Variants in RFX4 observed in about 807,000 individuals in gnomAD.
The protein encoded by RFX4 is regulatory factor X4, also known as transcription factor RFX4.
Under a neutral mutation model 95.0 loss-of-function variants are expected in RFX4, and 10 were observed. That is an observed-to-expected ratio of 0.11 (90% CI 0.06 to 0.18). The LOEUF is 0.18. Among genes scored for constraint, RFX4 ranks in the 10% least tolerant of loss-of-function variants. The pLI is 1.00. For synonymous variants in RFX4, 321 were observed against 340.7 expected, an observed-to-expected ratio of 0.94 and a Z score of 0.64; for missense variants, 640 against 922.0, an observed-to-expected ratio of 0.69 and a Z score of 3.96.
At chr12:106,664,447 T>C (rs2041134536) in intron 4 of RFX4, among the ~76,000 whole-genome samples, 1 of 151,892 alleles carries the variant, frequency 6.6e-6, no homozygotes, top group Non-Finnish European at 1.5e-5. Flanking sequence ...GCTCTCTTTT[T>C]TCTTTGTTAT....
In RFX4 at chr12:106,733,218, C is replaced by T. The variant is rs984469518; in HGVS notation, c.1633+133C>T. 2.0e-5 allele frequency: 19 copies of T among 934,378 alleles called. No homozygotes were observed. In the African/African-American group the frequency reaches 2.5e-4, roughly 12 times the overall value. The allele number at this position is 934,378 out of a possible 1,614,324, so 57.9% of individuals were successfully genotyped here. On this transcript the variant is annotated intron_variant, in intron 15 of 17. Transcript: ENST00000392842. ...AGACATCTTGGCTCACACCTGTAGT[C>T]CCAGCTACTTGGGAGGCTGAGGTGG...
chr12:106,748,427 G>A (rs186030110), intron 16 of RFX4, among the ~76,000 whole-genome samples: 3 of 152,282 alleles, frequency 2.0e-5, no homozygotes, highest in East Asian at 1.9e-4. Context: ...ATTTCCCATA[G>A]GTTCTAGCGG....
intron 8 of RFX4, among the ~76,000 whole-genome samples, chr12:106,708,380 A>G (rs2042127143): frequency 6.7e-6 from 1 of 149,922 alleles, no homozygotes; most frequent in South Asian, 2.1e-4. Flanking sequence ...AGGTGATTCC[A>G]CCCGCTGGCA....
chr12:106,737,162 GTTTTTTTTTTTTT>G (rs556116618), intron 15 of RFX4, among the ~76,000 whole-genome samples: 27 of 54,922 alleles, frequency 4.9e-4, no homozygotes, highest in African/African-American at 1.3e-3. Context: ...CGGAACTAAA[GTTTTTTTTTTTTT>G]TTTTTTTTTT....
intron 13 of RFX4, among the ~76,000 whole-genome samples, chr12:106,721,572 A>G (rs1251232754): frequency 1.3e-5 from 2 of 152,224 alleles, no homozygotes; most frequent in Non-Finnish European, 2.9e-5. Flanking sequence ...TTTTCACCAG[A>G]AAGAAAGCAG....
intron 1 of RFX4, among the ~76,000 whole-genome samples, chr12:106,599,785 G>A (rs1010893356): frequency 4.6e-4 from 70 of 152,064 alleles, no homozygotes; most frequent in African/African-American, 1.7e-3. Flanking sequence ...CTACAGAGGG[G>A]GACAAGTAAG....
At chr12:106,713,699 G>A (rs1475669183) in intron 10 of RFX4, among the ~76,000 whole-genome samples, 1 of 152,100 alleles carries the variant, frequency 6.6e-6, no homozygotes, top group African/African-American at 2.4e-5. Context: ...CTATCTCAAG[G>A]AATCCTCAAC....
chr12:106,711,579 A>G, intron 10 of RFX4, 68 bp downstream of exon 10: 1 of 1,322,098 alleles, frequency 7.6e-7, no homozygotes, highest in Non-Finnish European at 1.1e-6. Context: ...AAATCCACAA[A>G]AACAACCTCC....
chr12:106,654,142 C>T, intron 3 of RFX4, 86 bp from the exon 4 acceptor site: 1 of 1,548,062 alleles, frequency 6.5e-7, no homozygotes, highest in South Asian at 1.1e-5. Context: ...TAAGGACTGC[C>T]CATCTCTGGA....
At chr12:106,693,006 C>G (rs560925648) in intron 7 of RFX4, 1 of 299,988 alleles carries the variant, frequency 3.3e-6, no homozygotes, top group South Asian at 2.8e-5. Context: ...GATTGCCACT[C>G]CCCTCCACCC....
chr12:106,698,848 T>G (rs1353075533), intron 8 of RFX4, among the ~76,000 whole-genome samples: 1 of 152,142 alleles, frequency 6.6e-6, no homozygotes, highest in Non-Finnish European at 1.5e-5. Context: ...TCAGTGTTAT[T>G]GATCTCAAAA....
At chr12:106,584,855 G>T (rs2039430676) in intron 1 of RFX4, among the ~76,000 whole-genome samples, 1 of 152,192 alleles carries the variant, frequency 6.6e-6, no homozygotes, top group Non-Finnish European at 1.5e-5. Flanking sequence ...AGGGAGTGGG[G>T]AAAGGCTAAG....
intron 1 of RFX4, among the ~76,000 whole-genome samples, chr12:106,597,592 C>T (rs924996376): frequency 2.6e-4 from 40 of 152,332 alleles, no homozygotes; most frequent in Non-Finnish European, 1.0e-4. Context: ...GAACCGAAGG[C>T]TCAAGGAGGT....
At chr12:106,717,001 A>G (rs1361045577) in intron 11 of RFX4, among the ~76,000 whole-genome samples, 1 of 87,794 alleles carries the variant, frequency 1.1e-5, no homozygotes, top group Non-Finnish European at 2.3e-5. Context: ...CACAGGAGAC[A>G]AAAAAAAAAA....
At chr12:106,654,188 G>C in intron 3 of RFX4, 40 bp from the exon 4 acceptor site, 1 of 1,613,248 alleles carries the variant, frequency 6.2e-7, no homozygotes, top group Non-Finnish European at 8.5e-7. Flanking sequence ...GCTTGGGGAA[G>C]GTAACACATT....
chr12:106,682,699 AC>A (rs1344107643), intron 5 of RFX4: 1 of 152,434 alleles, frequency 6.6e-6, no homozygotes, highest in African/African-American at 2.4e-5. Context: ...GCAGAGAGCA[AC>A]AAAAGAGGAA....
intron 5 of RFX4, chr12:106,682,936 A>C (rs2041551927): frequency 6.6e-6 from 1 of 152,218 alleles, no homozygotes; most frequent in South Asian, 2.1e-4. Context: ...AGCAGGCCCT[A>C]TAAGTTTGGT....
intron 2 of RFX4, among the ~76,000 whole-genome samples, chr12:106,631,897 G>A (rs1043936868): frequency 6.6e-6 from 1 of 152,178 alleles, no homozygotes; most frequent in African/African-American, 2.4e-5. Context: ...CAAACCTCAG[G>A]CACATGGTCC....
intron 1 of RFX4, among the ~76,000 whole-genome samples, chr12:106,595,732 G>T (rs538129764): frequency 1.3e-5 from 2 of 152,160 alleles, no homozygotes; most frequent in African/African-American, 2.4e-5. Context: ...TAAAAGAACA[G>T]CACCTTCCAT....
Sources: gnomAD v4.1 joint callset for allele counts (sites outside exome capture counted in the v4.1 genomes callset) on GRCh38, gnomAD v4.1.1 for gene constraint, MANE v1.5 for transcripts, NCBI Gene and HGNC (gene_info 2026-07-23, HGNC 2026-07-21) for gene names.